The following DNAJC7 variants were observed in gnomAD, a reference collection of about 807,000 sequenced individuals.
DNAJC7 encodes the protein dnaJ homolog subfamily C member 7.
In DNAJC7, 18 loss-of-function variants were observed where a neutral mutation model predicts 67.4. That is an observed-to-expected ratio of 0.27 (90% confidence interval 0.18 to 0.40). The LOEUF is 0.40. Ranked by LOEUF, DNAJC7 falls within the 10% of genes least tolerant of loss-of-function variation. The pLI, the probability that DNAJC7 is intolerant of heterozygous loss-of-function variation, is 1.00. For synonymous variants in DNAJC7, 220 were observed against 207.8 expected, an observed-to-expected ratio of 1.06 and a Z score of -0.50; for missense variants, 419 against 613.8, an observed-to-expected ratio of 0.68 and a Z score of 3.35.
chr17:41,992,461 A>T (rs2051533965), intron 5 of DNAJC7: 1 of 152,280 alleles, frequency 6.6e-6, no homozygotes, highest in Admixed American at 6.5e-5. Context: ...GCCATGAGCC[A>T]CCGCACTCGG....
chr17:41,984,273 C>T (rs2051320388), intron 9 of DNAJC7: 1 of 149,652 alleles, frequency 6.7e-6, no homozygotes, highest in Non-Finnish European at 1.5e-5. Flanking sequence ...TCGGAGGAAT[C>T]AAGCTTGACA....
intron 12 of DNAJC7, among the ~76,000 whole-genome samples, chr17:41,979,729 G>A (rs1437315004): frequency 3.3e-5 from 5 of 151,234 alleles, no homozygotes; most frequent in African/African-American, 9.7e-5. Flanking sequence ...TTGGGAGGCC[G>A]AGGTGGGTGG....
chr17:42,004,935 G>C (rs1478388210), intron 1 of DNAJC7, among the ~76,000 whole-genome samples: 1 of 152,144 alleles, frequency 6.6e-6, no homozygotes, highest in African/African-American at 2.4e-5. Flanking sequence ...TAAGATGGGA[G>C]GATCACTTGA....
intron 4 of DNAJC7, 59 bp downstream of exon 4, chr17:41,996,252 C>G (rs1183047808): frequency 6.4e-7 from 1 of 1,556,138 alleles, no homozygotes. Flanking sequence ...TTTCAAGTAG[C>G]CACTCCTCCC....
rs375567784 is a variant in DNAJC7, at chr17:41,988,681, T to A, written c.918+51A>T. On this transcript the variant is annotated intron_variant, in intron 8 of 13. Transcript: ENST00000457167. The stretch of plus-strand genomic sequence containing the variant: ...AGGCAGATTTCCCAAGACCCTTTGA[T>A]GTCCCTTAAAAATATTTCTATAGGC... The A allele has an allele frequency of 3.3e-6, 5 of 1,531,384 alleles. No homozygotes were observed. The African/African-American group carries it at 5.7e-5, about 17-fold the overall frequency. 94.9% of individuals were successfully genotyped at this position (1,531,384 alleles called of 1,614,324 possible). A position where few individuals can be genotyped will look rare whatever the true frequency, so the allele number is the denominator to read the frequency against.
At chr17:42,011,974 T>C (rs2052129717) in intron 1 of DNAJC7, among the ~76,000 whole-genome samples, 1 of 152,218 alleles carries the variant, frequency 6.6e-6, no homozygotes, top group Non-Finnish European at 1.5e-5. Flanking sequence ...AAAATCCTAA[T>C]CGCAAAGAGT....
intron 1 of DNAJC7, chr17:42,014,548 G>A (rs2052211867): frequency 6.6e-6 from 1 of 151,658 alleles, no homozygotes; most frequent in Non-Finnish European, 1.5e-5. Flanking sequence ...CTATATATGA[G>A]AAACATAAAA....
chr17:41,994,403 T>C (rs1416750509), intron 5 of DNAJC7, among the ~76,000 whole-genome samples: 4 of 150,774 alleles, frequency 2.7e-5, no homozygotes, highest in Non-Finnish European at 5.9e-5. Context: ...CCAGGTGTGA[T>C]GGCATGCGCC....
At chr17:41,977,693 G>T (rs1278617288) in intron 12 of DNAJC7, 5 of 171,774 alleles carry the variant, frequency 2.9e-5, no homozygotes, top group African/African-American at 7.2e-5. Flanking sequence ...AGGATAAAAT[G>T]TATCACTTAA....
intron 1 of DNAJC7, among the ~76,000 whole-genome samples, chr17:42,006,127 A>G (rs2051946077): frequency 1.3e-5 from 2 of 150,794 alleles, no homozygotes; most frequent in Non-Finnish European, 3.0e-5. Context: ...TGTATTTTTA[A>G]TAGAGACGGG....
chr17:41,993,045 G>A (rs1299792515), intron 5 of DNAJC7, among the ~76,000 whole-genome samples: 1 of 152,224 alleles, frequency 6.6e-6, no homozygotes. Flanking sequence ...AAAACCAATG[G>A]ACAGAAGAGG....
chr17:41,994,843 T>C lies in DNAJC7; in HGVS notation c.480+27A>G, dbSNP rs202160347. The C allele has an allele frequency of 9.0e-5, 144 of 1,601,008 alleles. No homozygotes were observed. In the African/African-American group the frequency reaches 1.7e-3, roughly 19 times the overall value. On this transcript the variant is annotated intron_variant, in intron 5 of 13. Coordinates refer to ENST00000457167, the MANE Select transcript of DNAJC7 (RefSeq NM_003315.4). ...TGGGAATTTTGCGACAAAGAGCAGATGAGATTATCTCATGGTTGTACTGTA... is the reference window on the plus strand; with the variant it reads ...TGGGAATTTTGCGACAAAGAGCAGACGAGATTATCTCATGGTTGTACTGTA...
intron 5 of DNAJC7, 101 bp downstream of exon 5, chr17:41,994,769 G>C (rs2051611031): frequency 3.2e-6 from 3 of 942,590 alleles, no homozygotes; most frequent in Admixed American, 4.4e-5. Flanking sequence ...TACTATTCTA[G>C]AGCTTTTGTG....
At chr17:41,986,530 C>CT (rs74268062) in intron 9 of DNAJC7, among the ~76,000 whole-genome samples, 5,131 of 128,634 alleles carry the variant, frequency 0.04, 224 homozygotes, top group African/African-American at 0.1. Context: ...CTCCCCCCGC[C>CT]TTTTTTTTTT....
chr17:42,010,713 G>A (rs979989851), intron 1 of DNAJC7, among the ~76,000 whole-genome samples: 1 of 152,140 alleles, frequency 6.6e-6, no homozygotes, highest in Non-Finnish European at 1.5e-5. Flanking sequence ...AGAGGGTCCT[G>A]CTTGCCCCTC....
At chr17:41,991,101 A>G (rs1377015360) in intron 5 of DNAJC7, among the ~76,000 whole-genome samples, 3 of 152,242 alleles carry the variant, frequency 2.0e-5, no homozygotes, top group Admixed American at 2.0e-4. Context: ...AGCCTCATAA[A>G]GCATCTCCAT....
intron 13 of DNAJC7, 188 bp from the exon 14 acceptor site, chr17:41,976,958 G>A: frequency 2.9e-6 from 2 of 692,728 alleles, no homozygotes; most frequent in Non-Finnish European, 4.8e-6. Context: ...TACATGGGTA[G>A]CTTCTGACCT....
At chr17:41,993,913 C>T (rs1257949652) in intron 5 of DNAJC7, among the ~76,000 whole-genome samples, 1 of 149,230 alleles carries the variant, frequency 6.7e-6, no homozygotes, top group South Asian at 2.1e-4. Context: ...CGTGGCAGCA[C>T]ATGCCTGTAA....
chr17:41,989,296 G>A (rs2051455153), intron 7 of DNAJC7, 108 bp downstream of exon 7: 2 of 1,422,912 alleles, frequency 1.4e-6, no homozygotes, highest in South Asian at 1.4e-5. Context: ...TGCAAAGCAG[G>A]AGGAAAAGCT....
Sources: gnomAD v4.1 joint callset for allele counts (sites outside exome capture counted in the v4.1 genomes callset) on GRCh38, gnomAD v4.1.1 for gene constraint, MANE v1.5 for transcripts, NCBI Gene and HGNC (gene_info 2026-07-23, HGNC 2026-07-21) for gene names.